Variants in VAV1 observed in about 807,000 individuals in gnomAD.
VAV1 encodes vav guanine nucleotide exchange factor 1.
Under a neutral mutation model 128.1 loss-of-function variants are expected in VAV1, and 33 were observed. The ratio of observed to expected loss-of-function variants is 0.26; its 90% CI spans 0.20 to 0.34. The LOEUF (loss-of-function observed/expected upper bound fraction) is 0.34. Among genes scored for constraint, VAV1 ranks in the 10% least tolerant of loss-of-function variants. The pLI is 1.00. For synonymous variants in VAV1, 394 were observed against 409.8 expected (o/e 0.96, Z 0.47); for missense variants, 715 against 1,093.7 (o/e 0.65, Z 4.88).
intron 1 of VAV1, among the ~76,000 whole-genome samples, chr19:6,792,726 TA>T (rs1251036598): frequency 6.6e-6 from 1 of 150,610 alleles, no homozygotes; most frequent in Non-Finnish European, 1.5e-5. Context: ...GGTTCTTAAC[TA>T]AGGGGTGGTG....
Position 6,820,874 on chromosome 19 carries a change from C to A in VAV1, c.321+56C>A. 1.3e-6 allele frequency: 2 copies of A among 1,526,780 alleles called. No homozygotes were observed. Among genetic ancestry groups the A allele is most frequent in the South Asian group, 1.1e-5 (1 of 89,052 alleles). 94.6% of individuals were successfully genotyped at this position (1,526,780 alleles called of 1,614,324 possible). A position where few individuals can be genotyped will look rare whatever the true frequency, so the allele number is the denominator to read the frequency against. ...AGTTTCAGTTAATTTCTATTGACGTCTACACTGGGCAAGCTAAGGACTGTC... is the reference window on the plus strand; with the variant it reads ...AGTTTCAGTTAATTTCTATTGACGTATACACTGGGCAAGCTAAGGACTGTC... On this transcript the variant is annotated intron_variant, in intron 2 of 26. Coordinates refer to ENST00000602142, the MANE Select transcript of VAV1 (RefSeq NM_005428.4). This position sits in a 1 kb window ranked among gnomAD's most constrained non-coding sequence, Gnocchi z 4.4.
At chr19:6,809,553 G>GA (rs993489244) in intron 1 of VAV1, among the ~76,000 whole-genome samples, 5 of 151,774 alleles carry the variant, frequency 3.3e-5, no homozygotes, top group African/African-American at 9.7e-5. Flanking sequence ...AGGTAAGTGA[G>GA]AAAAAAAAGA....
At chr19:6,799,844 C>CAAAAAAA (rs60826995) in intron 1 of VAV1, among the ~76,000 whole-genome samples, 1 of 48,950 alleles carries the variant, frequency 2.0e-5, no homozygotes, top group African/African-American at 6.2e-5. Flanking sequence ...GAGACTGTCT[C>CAAAAAAA]AAAAAAAAAA....
At chr19:6,843,809 G>GA (rs988555942) in intron 22 of VAV1, among the ~76,000 whole-genome samples, 2 of 148,472 alleles carry the variant, frequency 1.3e-5, no homozygotes, top group African/African-American at 2.5e-5. Context: ...ATGCATGGTT[G>GA]TTTTTTTTTT....
At chr19:6,787,020 ATT>A (rs56137755) in intron 1 of VAV1, among the ~76,000 whole-genome samples, 6 of 138,444 alleles carry the variant, frequency 4.3e-5, no homozygotes, top group Non-Finnish European at 3.1e-5. Flanking sequence ...CACGCTGTCT[ATT>A]TTTTTTTTTT....
rs906195051 is a variant in VAV1 at position 6,772,712 on chromosome 19, C to T, written c.-96C>T. ...AGGCAAAGAAGAGGAAGTGGTAGCA[C>T]TAGCTGTCGCTCCACAGGCGAGCAG... On this transcript the variant is annotated 5_prime_UTR_variant, in exon 1 of 27. Transcript: ENST00000602142. This position sits in a 1 kb window ranked among gnomAD's most constrained non-coding sequence, Gnocchi z 4.8. 17 of 1,338,556 alleles carry T rather than the reference C, an allele frequency of 1.3e-5. No homozygotes were observed. Among genetic ancestry groups the T allele is most frequent in the Non-Finnish European group, 1.7e-5 (17 of 979,900 alleles). 82.9% of individuals were successfully genotyped at this position (1,338,556 alleles called of 1,614,324 possible). A position where few individuals can be genotyped will look rare whatever the true frequency, so the allele number is the denominator to read the frequency against.
intron 1 of VAV1, among the ~76,000 whole-genome samples, chr19:6,794,266 G>C (rs1971079141): frequency 6.6e-6 from 1 of 152,142 alleles, no homozygotes; most frequent in South Asian, 2.1e-4. Flanking sequence ...AGAAGAGAGA[G>C]GGAAAAGAGG....
chr19:6,823,100 C>T (rs1971835790), intron 6 of VAV1, among the ~76,000 whole-genome samples: 1 of 147,126 alleles, frequency 6.8e-6, no homozygotes, highest in Admixed American at 6.9e-5. Flanking sequence ...ATCTTATATA[C>T]ATAAAAGATA....
chr19:6,789,933 T>C (rs1344686976), intron 1 of VAV1, among the ~76,000 whole-genome samples: 1 of 151,992 alleles, frequency 6.6e-6, no homozygotes, highest in Non-Finnish European at 1.5e-5. Flanking sequence ...AGGCCAGACG[T>C]GGTGGCTCAT....
chr19:6,829,981 T>A, intron 14 of VAV1, 63 bp downstream of exon 14: 1 of 1,607,268 alleles, frequency 6.2e-7, no homozygotes, highest in Non-Finnish European at 8.5e-7. Flanking sequence ...CCCTCTCCAC[T>A]TGGGCATGTG....
At chr19:6,795,590 G>A (rs1237556510) in intron 1 of VAV1, among the ~76,000 whole-genome samples, 1 of 152,086 alleles carries the variant, frequency 6.6e-6, no homozygotes, top group African/African-American at 2.4e-5. Context: ...CTGATGATAC[G>A]TAACGGTTTA....
At chr19:6,846,683 A>G (rs1972530433) in intron 22 of VAV1, among the ~76,000 whole-genome samples, 1 of 148,232 alleles carries the variant, frequency 6.7e-6, no homozygotes, top group African/African-American at 2.5e-5. Flanking sequence ...TACATAGACT[A>G]TATATGGTGT....
At position 6,832,487 on chromosome 19, in the gene VAV1, C is replaced by T. The variant is rs573219348; in HGVS notation, c.1508+287C>T. 1.3e-5 allele frequency among the ~76,000 whole-genome samples: 2 copies of T among 150,124 alleles called. 1 individual carries two copies. The highest frequency in any genetic ancestry group is 3.0e-5 in the Non-Finnish European group (2 of 67,144). ...TCCTTCTGGTTTCCTTCCTCCTCCT[C>T]CTCCTCTTTCTCCTTCTCCTTTCCT... On this transcript the variant is annotated intron_variant, in intron 15 of 26. Coordinates refer to ENST00000602142, the MANE Select transcript of VAV1 (RefSeq NM_005428.4).
At position 6,797,231 on chromosome 19, in the gene VAV1, CAA is replaced by C. The variant is rs34227069; in HGVS notation, c.205-23453_205-23452del. Among the ~76,000 whole-genome samples the C allele has an allele frequency of 7.3e-3, 923 of 126,384 alleles. 2 individuals carry two copies. The highest frequency in any genetic ancestry group is 0.013 in the African/African-American group (464 of 34,738). The allele number at this position is 126,384 out of a possible 152,430, so 82.9% of individuals were successfully genotyped here. ...TGGGTGACAGAGTGAGACTCAGTAT[CAA>C]AAAAAAAAAAAAAAAAATTGCATAG... On this transcript the variant is annotated intron_variant, in intron 1 of 26. Transcript: ENST00000602142.
rs997796344 is a variant in VAV1, at chr19:6,841,991, C to T, written c.1981-1144C>T. The stretch of plus-strand genomic sequence containing the variant: ...CTGTAATCCCAACACTTTGGGAGGC[C>T]GAGGCGGGTGGATCACCTGAGCTCG... On this transcript the variant is annotated intron_variant, in intron 21 of 26. Coordinates refer to ENST00000602142, the MANE Select transcript of VAV1 (RefSeq NM_005428.4). 5.3e-5 allele frequency among the ~76,000 whole-genome samples: 8 copies of T among 151,654 alleles called. No individual in the cohort carries two copies. In the South Asian group the frequency reaches 6.3e-4, roughly 12 times the overall value.
intron 1 of VAV1, among the ~76,000 whole-genome samples, chr19:6,814,667 C>CCTTCCTTCCTTT (rs1971586781): frequency 2.4e-4 from 6 of 25,130 alleles, no homozygotes; most frequent in South Asian, 2.2e-3. Context: ...TTCCTTCCTT[C>CCTTCCTTCCTTT]CTTCCTTTCT....
intron 1 of VAV1, among the ~76,000 whole-genome samples, chr19:6,781,783 T>G (rs1194752795): frequency 2.0e-5 from 3 of 152,108 alleles, no homozygotes; most frequent in Admixed American, 6.6e-5. Context: ...AATTTTTGTA[T>G]TTTTAGTAGA....
chr19:6,802,166 A>C (rs1042079599), intron 1 of VAV1, among the ~76,000 whole-genome samples: 6 of 152,046 alleles, frequency 3.9e-5, no homozygotes, highest in African/African-American at 1.4e-4. Context: ...CAGGAAGGGG[A>C]ACATCACACA....
At chr19:6,781,271 T>A (rs1302674351) in intron 1 of VAV1, among the ~76,000 whole-genome samples, 1 of 152,200 alleles carries the variant, frequency 6.6e-6, no homozygotes, top group East Asian at 1.9e-4. Context: ...CTAGCCAATC[T>A]TTGTGTTTTT....
Sources: allele counts gnomAD v4.1 joint callset (sites outside exome capture counted in the v4.1 genomes callset), GRCh38; gene constraint gnomAD v4.1.1; non-coding constraint Gnocchi (gnomAD v3.1); transcripts MANE v1.5; gene names NCBI Gene and HGNC (gene_info 2026-07-23, HGNC 2026-07-21).